The following BMPR2 variants were observed in gnomAD, a reference collection of about 807,000 sequenced individuals.
The protein encoded by BMPR2 is bone morphogenetic protein receptor type-2.
BMPR2 carries 29 observed loss-of-function variants against 100.8 expected under a neutral mutation model. The observed-to-expected ratio is 0.29, with a 90% CI of 0.21 to 0.39. The LOEUF (loss-of-function observed/expected upper bound fraction) is 0.39. Among genes scored for constraint, BMPR2 ranks in the 10% least tolerant of loss-of-function variants. BMPR2 has a pLI of 1.00. For synonymous variants in BMPR2, 382 were observed against 442.3 expected (o/e 0.86, Z 1.71); for missense variants, 1,011 against 1,274.5 (o/e 0.79, Z 3.15).
At chr2:202,535,603 G>T (rs1331695282) in intron 9 of BMPR2, among the ~76,000 whole-genome samples, 1 of 151,218 alleles carries the variant, frequency 6.6e-6, no homozygotes, top group Non-Finnish European at 1.5e-5. Flanking sequence ...TTTCCAGACT[G>T]GGCAGCCGGG....
At chr2:202,531,362 A>G (rs1225681104) in intron 8 of BMPR2, among the ~76,000 whole-genome samples, 2 of 152,230 alleles carry the variant, frequency 1.3e-5, no homozygotes, top group East Asian at 3.8e-4. Flanking sequence ...ATTAGGAAAT[A>G]TAAAAGACAT....
At chr2:202,399,664 G>C (rs1690726138) in intron 1 of BMPR2, among the ~76,000 whole-genome samples, 1 of 152,226 alleles carries the variant, frequency 6.6e-6, no homozygotes, top group African/African-American at 2.4e-5. Flanking sequence ...AAAACAAGAA[G>C]ACTGGTTAGG....
At chr2:202,485,435 TTCAGTAAA>T (rs1692753011) in intron 3 of BMPR2, among the ~76,000 whole-genome samples, 1 of 151,942 alleles carries the variant, frequency 6.6e-6, no homozygotes, top group African/African-American at 2.4e-5. Context: ...TTTGACAGGT[TTCAGTAAA>T]TCATTGGTGT....
intron 1 of BMPR2, among the ~76,000 whole-genome samples, chr2:202,399,973 T>C (rs1690736761): frequency 6.6e-6 from 1 of 152,110 alleles, no homozygotes; most frequent in Admixed American, 6.6e-5. Context: ...TAGCAGGGTG[T>C]GATGGCACTC....
chr2:202,389,410 C>T (rs1690500391), intron 1 of BMPR2, among the ~76,000 whole-genome samples: 4 of 148,306 alleles, frequency 2.7e-5, no homozygotes, highest in African/African-American at 9.9e-5. Context: ...GCTTGTAGTC[C>T]CAGCTACTCG....
chr2:202,466,668 G>C (rs1053492447), intron 2 of BMPR2, among the ~76,000 whole-genome samples: 4 of 151,556 alleles, frequency 2.6e-5, no homozygotes, highest in Non-Finnish European at 5.9e-5. Context: ...ATAGAGTGCA[G>C]TGGCACATTC....
chr2:202,460,713 T>C (rs1212969394), intron 1 of BMPR2, among the ~76,000 whole-genome samples: 1 of 151,796 alleles, frequency 6.6e-6, no homozygotes, highest in Non-Finnish European at 1.5e-5. Flanking sequence ...TAATATAATA[T>C]GGATCCATGT....
chr2:202,404,194 GT>G (rs747014208), intron 1 of BMPR2, among the ~76,000 whole-genome samples: 76 of 133,772 alleles, frequency 5.7e-4, no homozygotes, highest in Admixed American at 6.1e-4. Context: ...TCTTTGGGTT[GT>G]TTTTTTTTTT....
Position 202,377,349 on chromosome 2 carries a change from C to G in BMPR2, c.-126C>G. The stretch of plus-strand genomic sequence containing the variant: ...TCCTCTCATCAGCCATTTGTCCTTT[C>G]AAACTGTATTGTGATACGGGCAGGA... On this transcript the variant is annotated 5_prime_UTR_variant, in exon 1 of 13. Coordinates refer to ENST00000374580, the MANE Select transcript of BMPR2 (RefSeq NM_001204.7). The G allele has an allele frequency of 1.1e-6, 1 of 927,494 alleles. No homozygotes were observed. The highest frequency in any genetic ancestry group is 1.8e-6 in the Non-Finnish European group (1 of 556,554). 57.5% of individuals were successfully genotyped at this position (927,494 alleles called of 1,614,324 possible).
intron 9 of BMPR2, among the ~76,000 whole-genome samples, chr2:202,540,177 C>T (rs749909536): frequency 2.6e-5 from 4 of 151,598 alleles, no homozygotes; most frequent in Admixed American, 2.6e-4. Context: ...TAATTTGGAC[C>T]TAATTTTTTA....
intron 1 of BMPR2, among the ~76,000 whole-genome samples, chr2:202,435,545 A>G (rs1055551367): frequency 6.7e-6 from 1 of 149,620 alleles, no homozygotes; most frequent in African/African-American, 2.6e-5. Flanking sequence ...TTAATTTATT[A>G]TCAAGGAAAT....
intron 7 of BMPR2, chr2:202,520,975 C>G (rs1422307796): frequency 6.4e-6 from 1 of 155,712 alleles, no homozygotes; most frequent in African/African-American, 2.4e-5. Flanking sequence ...CCTCAAGGCC[C>G]ACAGACTCCT....
intron 1 of BMPR2, among the ~76,000 whole-genome samples, chr2:202,390,573 A>C (rs377687107): frequency 6.6e-5 from 10 of 151,914 alleles, no homozygotes; most frequent in African/African-American, 2.4e-4. Flanking sequence ...CTCAGGTGAT[A>C]CACATGCCTC....
intron 2 of BMPR2, among the ~76,000 whole-genome samples, chr2:202,466,652 C>T (rs553559562): frequency 6.6e-6 from 1 of 150,400 alleles, no homozygotes; most frequent in African/African-American, 2.4e-5. Context: ...CACTCTGTCG[C>T]TCAGGATAGA....
At chr2:202,456,192 G>A (rs1272031795) in intron 1 of BMPR2, among the ~76,000 whole-genome samples, 1 of 149,078 alleles carries the variant, frequency 6.7e-6, no homozygotes, top group Non-Finnish European at 1.5e-5. Context: ...GTTTTTTTGA[G>A]ATGAAGTCTT....
At chr2:202,455,269 T>A (rs1003592963) in intron 1 of BMPR2, among the ~76,000 whole-genome samples, 13 of 152,312 alleles carry the variant, frequency 8.5e-5, no homozygotes, top group Non-Finnish European at 1.8e-4. Context: ...ATAAGGTGAC[T>A]GAGAGTGATG....
At chr2:202,409,899 G>A (rs1368412415) in intron 1 of BMPR2, among the ~76,000 whole-genome samples, 1 of 152,140 alleles carries the variant, frequency 6.6e-6, no homozygotes, top group African/African-American at 2.4e-5. Context: ...ATAAGACCTA[G>A]GTTCCTAACT....
At chr2:202,377,989 T>C (rs754508974) in intron 1 of BMPR2, among the ~76,000 whole-genome samples, 65 of 152,366 alleles carry the variant, frequency 4.3e-4, no homozygotes, top group Middle Eastern at 3.4e-3. Context: ...GAACACACAC[T>C]TGAACCTTAT....
chr2:202,492,343 A>G (rs1180611242), intron 3 of BMPR2, among the ~76,000 whole-genome samples: 3 of 152,020 alleles, frequency 2.0e-5, no homozygotes. Flanking sequence ...TAATGCTTAT[A>G]CATTATACAC....
Sources: gnomAD v4.1 joint callset for allele counts (sites outside exome capture counted in the v4.1 genomes callset) on GRCh38, gnomAD v4.1.1 for gene constraint, MANE v1.5 for transcripts, NCBI Gene and HGNC (gene_info 2026-07-23, HGNC 2026-07-21) for gene names.